GRIN3A: variants seen among roughly 807,000 people sequenced by gnomAD.
GRIN3A encodes the protein glutamate receptor ionotropic, NMDA 3A.
GRIN3A carries 47 observed loss-of-function variants against 92.4 expected under a neutral mutation model. The ratio of observed to expected loss-of-function variants is 0.51; its 90% CI spans 0.40 to 0.65. GRIN3A has a LOEUF of 0.65. Among genes scored for constraint, GRIN3A ranks in the 30% least tolerant of loss-of-function variants. The pLI, the probability that GRIN3A is intolerant of heterozygous loss-of-function variation, is 0.00. For missense variants in GRIN3A, 1,324 were observed against 1,393.1 expected (o/e 0.95, Z 0.79); for synonymous variants, 527 against 540.6 (o/e 0.97, Z 0.35).
intron 3 of GRIN3A, among the ~76,000 whole-genome samples, chr9:101,664,006 AG>A (rs1263020341): frequency 2.0e-5 from 3 of 151,868 alleles, no homozygotes; most frequent in African/African-American, 7.2e-5. Context: ...CAACTCCATA[AG>A]GGGAAGTGGA....
At position 101,738,283 on chromosome 9, in the gene GRIN3A, G is replaced by T; in HGVS notation, c.-304C>A. ...CAGCTGGAGCGCCCGTTCCCTGCCC[G>T]CCCCATCTGCAGGGCGCCTCGGGCA... On this transcript the variant is annotated 5_prime_UTR_variant, in exon 1 of 9. Coordinates refer to ENST00000361820, the MANE Select transcript of GRIN3A (RefSeq NM_133445.3). 4.6e-6 allele frequency: 2 copies of T among 435,272 alleles called. No homozygotes were observed. The highest frequency in any genetic ancestry group is 8.3e-6 in the Non-Finnish European group (2 of 240,762). The allele number at this position is 435,272 out of a possible 1,614,324, so 27.0% of individuals were successfully genotyped here.
chr9:101,692,620 T>C (rs2060083150), intron 1 of GRIN3A, among the ~76,000 whole-genome samples: 1 of 152,188 alleles, frequency 6.6e-6, no homozygotes, highest in Admixed American at 6.5e-5. Flanking sequence ...ATGTTTCCAC[T>C]GCTTTTACCA....
At chr9:101,689,297 C>T (rs868782311) in intron 1 of GRIN3A, among the ~76,000 whole-genome samples, 1 of 152,140 alleles carries the variant, frequency 6.6e-6, no homozygotes, top group Non-Finnish European at 1.5e-5. Context: ...TCTCCTGCAC[C>T]ATAACCTCCG....
intron 1 of GRIN3A, among the ~76,000 whole-genome samples, chr9:101,703,065 C>T (rs1179331500): frequency 6.6e-6 from 1 of 152,190 alleles, no homozygotes; most frequent in South Asian, 2.1e-4. Context: ...CCTGCCTCCA[C>T]CACTGCCTAT....
At chr9:101,652,395 T>C (rs1829025590) in intron 3 of GRIN3A, among the ~76,000 whole-genome samples, 1 of 151,922 alleles carries the variant, frequency 6.6e-6, no homozygotes, top group South Asian at 2.1e-4. Context: ...CATGACACCC[T>C]ATGAAAGTTA....
intron 1 of GRIN3A, among the ~76,000 whole-genome samples, chr9:101,719,517 T>C (rs1042634810): frequency 6.6e-6 from 1 of 152,124 alleles, no homozygotes; most frequent in Non-Finnish European, 1.5e-5. Flanking sequence ...ATTGAAATAC[T>C]GTAGGCAGAG....
At chr9:101,643,262 A>G (rs981374622) in intron 3 of GRIN3A, among the ~76,000 whole-genome samples, 28 of 152,296 alleles carry the variant, frequency 1.8e-4, no homozygotes, top group African/African-American at 6.5e-4. Context: ...TATTTTTCCA[A>G]AGAAGATATA....
intron 3 of GRIN3A, among the ~76,000 whole-genome samples, chr9:101,662,889 A>C (rs1316989335): frequency 6.6e-6 from 1 of 151,848 alleles, no homozygotes; most frequent in Non-Finnish European, 1.5e-5. Context: ...TATTTCTCCT[A>C]TTATGTTTTC....
intron 4 of GRIN3A, 78 bp from the exon 5 acceptor site, chr9:101,623,511 T>G (rs1588254061): frequency 9.5e-7 from 1 of 1,051,018 alleles, no homozygotes; most frequent in East Asian, 2.4e-5. Context: ...AGCCGGCTTT[T>G]GTTTAGGGGA....
intron 6 of GRIN3A, among the ~76,000 whole-genome samples, chr9:101,583,406 T>C (rs1449817557): frequency 1.3e-5 from 2 of 152,206 alleles, no homozygotes; most frequent in East Asian, 3.9e-4. Flanking sequence ...ACAGCTGCCT[T>C]TGTAATTCAG....
At chr9:101,623,242 T>C in intron 5 of GRIN3A, 76 bp downstream of exon 5, 1 of 921,992 alleles carries the variant, frequency 1.1e-6, no homozygotes, top group South Asian at 1.3e-5. Flanking sequence ...CTTCTGACTT[T>C]GGCATTTGTG....
At chr9:101,575,407 T>C (rs961695494) in intron 8 of GRIN3A, among the ~76,000 whole-genome samples, 1 of 152,196 alleles carries the variant, frequency 6.6e-6, no homozygotes, top group South Asian at 2.1e-4. Context: ...TGTGCTGTTA[T>C]GTAGTTTGTA....
At chr9:101,594,285 A>C in intron 6 of GRIN3A, 1 of 1,257,928 alleles carries the variant, frequency 7.9e-7, no homozygotes. Flanking sequence ...CTGTTAGGAC[A>C]TATGGCTTCA....
At chr9:101,635,692 C>T (rs1336386009) in intron 3 of GRIN3A, among the ~76,000 whole-genome samples, 3 of 152,182 alleles carry the variant, frequency 2.0e-5, no homozygotes, top group African/African-American at 7.2e-5. Context: ...TACTGGAGGT[C>T]TTGACTACTG....
intron 8 of GRIN3A, among the ~76,000 whole-genome samples, chr9:101,574,639 A>G (rs780555248): frequency 1.3e-5 from 2 of 152,208 alleles, no homozygotes; most frequent in Non-Finnish European, 2.9e-5. Context: ...CCTTTCATTT[A>G]TGCCCTCTGT....
At chr9:101,727,684 A>G (rs971621599) in intron 1 of GRIN3A, among the ~76,000 whole-genome samples, 47 of 151,988 alleles carry the variant, frequency 3.1e-4, no homozygotes, top group African/African-American at 1.1e-3. Context: ...TCTTAGTAGA[A>G]GGCAGAAGAA....
rs143889374 is a variant in GRIN3A at position 101,594,670 on chromosome 9, G to A, written c.2767-15310C>T. On this transcript the variant is annotated intron_variant, in intron 6 of 8. Transcript: ENST00000361820. Reference sequence around the variant, plus strand: ...TCAACTTCTGCTCCTCGTCGCCCTTGACGCTGAACTGGGAGGTCCCCAGGA... The same window carrying A: ...TCAACTTCTGCTCCTCGTCGCCCTTAACGCTGAACTGGGAGGTCCCCAGGA... 9.0e-5 allele frequency: 146 copies of A among 1,614,192 alleles called. 1 individual carries two copies. Among genetic ancestry groups the A allele is most frequent in the Admixed American group, 7.7e-4 (46 of 60,018 alleles).
chr9:101,689,445 A>G (rs998875251), intron 1 of GRIN3A, among the ~76,000 whole-genome samples: 2 of 152,166 alleles, frequency 1.3e-5, no homozygotes, highest in Non-Finnish European at 2.9e-5. Flanking sequence ...AACAAATCCA[A>G]TAGGCATGAG....
chr9:101,687,183 T>G lies in GRIN3A; in HGVS notation c.717A>C (p.Gln239His). 1 of 1,613,814 alleles carries G rather than the reference T, an allele frequency of 6.2e-7. No homozygotes were observed. Among genetic ancestry groups the G allele is most frequent in the Non-Finnish European group, 8.5e-7 (1 of 1,179,772 alleles). ...PRESQNPLHL[Q>H]LSLENSLSSD... is the part of the protein sequence containing the mutation. ...AACTTAATGAATTTTCTAAACTCAG[T>G]TGTAGGTGAAGGGGATTCTGTATTT... The change falls in exon 2 of 9, where the codon CAA becomes CAC. Residue 239 changes from glutamine (Q) to histidine (H), a missense_variant. Gln to His is a conservative substitution (Grantham distance 24). Coordinates refer to ENST00000361820, the MANE Select transcript of GRIN3A (RefSeq NM_133445.3).
Sources: allele counts gnomAD v4.1 joint callset (sites outside exome capture counted in the v4.1 genomes callset), GRCh38; gene constraint gnomAD v4.1.1; transcripts MANE v1.5; gene names NCBI Gene and HGNC (gene_info 2026-07-23, HGNC 2026-07-21).